LUC7L: variants seen among roughly 807,000 people sequenced by gnomAD.
LUC7L encodes the protein LUC7 like.
In LUC7L, 29 loss-of-function variants were observed where a neutral mutation model predicts 51.1. That is an observed-to-expected ratio of 0.57 (90% CI 0.42 to 0.77). The LOEUF is 0.77. Ranked by LOEUF, LUC7L falls within the 30% of genes least tolerant of loss-of-function variation. The pLI, the probability that LUC7L is intolerant of heterozygous loss-of-function variation, is 0.00. For synonymous variants in LUC7L, 181 were observed against 180.7 expected (o/e 1.00, Z -0.01); for missense variants, 403 against 511.9 (o/e 0.79, Z 2.05).
At chr16:204,525 C>A (rs1051037947) in intron 5 of LUC7L, among the ~76,000 whole-genome samples, 5 of 150,302 alleles carry the variant, frequency 3.3e-5, no homozygotes, top group Admixed American at 6.7e-5. Context: ...ACCGAGGAAG[C>A]GGAGCTTGCA....
At chr16:204,648 AG>A (rs949504710) in intron 5 of LUC7L, among the ~76,000 whole-genome samples, 2 of 152,142 alleles carry the variant, frequency 1.3e-5, no homozygotes, top group Admixed American at 1.3e-4. Context: ...ATACATTTAT[AG>A]TACTGTGCTG....
chr16:210,274 C>T (rs897200473), intron 3 of LUC7L, among the ~76,000 whole-genome samples: 3 of 152,106 alleles, frequency 2.0e-5, no homozygotes, highest in Non-Finnish European at 2.9e-5. Context: ...GCAACAAGAG[C>T]GAGACTCCCT....
chr16:200,328 G>A (rs1187467090), intron 5 of LUC7L, among the ~76,000 whole-genome samples: 2 of 152,046 alleles, frequency 1.3e-5, no homozygotes, highest in South Asian at 2.1e-4. Flanking sequence ...GGAGGCTGAG[G>A]CAGGAGAATG....
intron 5 of LUC7L, among the ~76,000 whole-genome samples, chr16:199,901 A>C (rs2049273270): frequency 6.6e-6 from 1 of 151,820 alleles, no homozygotes; most frequent in Non-Finnish European, 1.5e-5. Flanking sequence ...GAGGCAGGAG[A>C]ATCACTTGAA....
intron 6 of LUC7L, among the ~76,000 whole-genome samples, chr16:193,600 G>A (rs528291489): frequency 2.0e-5 from 3 of 151,330 alleles, no homozygotes; most frequent in African/African-American, 4.9e-5. Flanking sequence ...GGGTTCAAGC[G>A]ATTCTTCTGC....
At chr16:209,410 A>T (rs2049575594) in intron 3 of LUC7L, 1 of 151,152 alleles carries the variant, frequency 6.6e-6, no homozygotes, top group African/African-American at 2.4e-5. Context: ...GAATCGCTTG[A>T]ACCTGGGAGG....
At chr16:197,462 CGGCCTCCCGAAGTTTG>C (rs1309120751) in intron 6 of LUC7L, among the ~76,000 whole-genome samples, 5 of 152,164 alleles carry the variant, frequency 3.3e-5, no homozygotes, top group Non-Finnish European at 7.3e-5. Flanking sequence ...CCACCTGCCT[CGGCCTCCCGAAGTTTG>C]GGATTACAGG....
At chr16:218,204 A>G (rs2049863282) in intron 3 of LUC7L, among the ~76,000 whole-genome samples, 1 of 151,954 alleles carries the variant, frequency 6.6e-6, no homozygotes. Flanking sequence ...AAAAAAAAAA[A>G]AGGAAGAATT....
In LUC7L at chr16:224,737, G is replaced by C. The variant is rs541273852; in HGVS notation, c.156+2505C>G. On this transcript the variant is annotated intron_variant, in intron 2 of 9. Coordinates refer to ENST00000293872, the MANE Select transcript of LUC7L (RefSeq NM_201412.3). ...AATCCCAGCTACTCAGGAGGCTGAGGCAGGAGAGTTGCTTGAACCCAGGAG... is the reference window on the plus strand; with the variant it reads ...AATCCCAGCTACTCAGGAGGCTGAGCCAGGAGAGTTGCTTGAACCCAGGAG... Among the ~76,000 whole-genome samples the C allele has an allele frequency of 2.0e-5, 3 of 152,164 alleles. No individual in the cohort carries two copies. The East Asian group carries it at 5.8e-4, about 29-fold the overall frequency.
At chr16:203,461 C>A (rs2049389352) in intron 5 of LUC7L, among the ~76,000 whole-genome samples, 1 of 152,116 alleles carries the variant, frequency 6.6e-6, no homozygotes, top group African/African-American at 2.4e-5. Context: ...AATCCCAGCA[C>A]TTTGGGAAGC....
At position 189,003 on chromosome 16, in the gene LUC7L, T is replaced by G; in HGVS notation, c.*195A>C. The G allele has an allele frequency of 1.8e-6, 1 of 559,592 alleles. No individual in the cohort carries two copies. The allele number at this position is 559,592 out of a possible 1,614,324, so 34.7% of individuals were successfully genotyped here. A position where few individuals can be genotyped will look rare whatever the true frequency, so the allele number is the denominator to read the frequency against. ...CCCCCCGCAGCCTCAGGAGGCAGCA[T>G]CAGATTTATTTATTCCTACTCAACA... On this transcript the variant is annotated 3_prime_UTR_variant, in exon 10 of 10. Transcript: ENST00000293872.
At chr16:222,812 T>A (rs2050011048) in intron 2 of LUC7L, among the ~76,000 whole-genome samples, 1 of 151,434 alleles carries the variant, frequency 6.6e-6, no homozygotes, top group Non-Finnish European at 1.5e-5. Flanking sequence ...GTATTTTCAG[T>A]AGAGATGGGG....
At chr16:227,819 C>G (rs192358794) in intron 1 of LUC7L, 4 of 1,001,082 alleles carry the variant, frequency 4.0e-6, no homozygotes, top group Non-Finnish European at 4.8e-6. Flanking sequence ...CAAACTCTAT[C>G]GAAGACTGTT....
At chr16:215,635 A>G (rs2049773804) in intron 3 of LUC7L, among the ~76,000 whole-genome samples, 4 of 151,448 alleles carry the variant, frequency 2.6e-5, no homozygotes, top group Admixed American at 6.6e-5. Flanking sequence ...AAAAAAAAAA[A>G]AAAAGAAAAT....
chr16:199,607 A>G (rs2049262678), intron 5 of LUC7L, among the ~76,000 whole-genome samples: 1 of 152,048 alleles, frequency 6.6e-6, no homozygotes, highest in Admixed American at 6.6e-5. Context: ...CCCCATCTCT[A>G]TTAAAAATAC....
chr16:190,691 A>T, intron 7 of LUC7L, 121 bp from the exon 8 acceptor site: 1 of 857,548 alleles, frequency 1.2e-6, no homozygotes, highest in Non-Finnish European at 1.9e-6. Flanking sequence ...ACCAGCCTGG[A>T]CAACGTGGTG....
rs1039158419 is a variant in LUC7L, at chr16:189,727, G to A, written c.974+241C>T. ...CCACTCTGAGCATGGACGCAACAGT[G>A]CACAGGCCCCAGGACGCAGGCAGGG... On this transcript the variant is annotated intron_variant, in intron 9 of 9. Transcript: ENST00000293872. 6 of 1,382,296 alleles carry A rather than the reference G, an allele frequency of 4.3e-6. No individual in the cohort carries two copies. The Admixed American group carries it at 9.1e-5, about 21-fold the overall frequency. 85.6% of individuals were successfully genotyped at this position (1,382,296 alleles called of 1,614,324 possible).
At chr16:190,671 C>A (rs1596588352) in intron 7 of LUC7L, 101 bp from the exon 8 acceptor site, 2 of 1,035,690 alleles carry the variant, frequency 1.9e-6, no homozygotes, top group East Asian at 4.7e-5. Flanking sequence ...CCTGAGGTCA[C>A]GAGCTGGAGA....
chr16:220,494 A>G (rs959253445), intron 3 of LUC7L, 155 bp downstream of exon 3: 12 of 631,268 alleles, frequency 1.9e-5, no homozygotes, highest in Non-Finnish European at 3.4e-5. Context: ...ACATATAAAC[A>G]GTACTGGCTG....
Sources: allele counts gnomAD v4.1 joint callset (sites outside exome capture counted in the v4.1 genomes callset), GRCh38; gene constraint gnomAD v4.1.1; transcripts MANE v1.5; gene names NCBI Gene and HGNC (gene_info 2026-07-23, HGNC 2026-07-21).